P2RX5: variants seen among roughly 807,000 people sequenced by gnomAD.
P2RX5 encodes the protein P2X purinoceptor 5.
A neutral mutation model predicts 54.1 loss-of-function variants in P2RX5; 46 were observed. The ratio of observed to expected loss-of-function variants is 0.85; its 90% CI spans 0.67 to 1.09. The LOEUF is 1.09. P2RX5 is among the 50% of genes least tolerant of loss of function. The pLI is 0.00. For missense variants in P2RX5, 566 were observed against 549.8 expected (o/e 1.03, Z -0.29); for synonymous variants, 226 against 226.4 (o/e 1.00, Z 0.02).
chr17:3,700,792 C>T (rs2050811512), upstream of P2RX5, among the ~76,000 whole-genome samples: 1 of 152,134 alleles, frequency 6.6e-6, no homozygotes. Context: ...CACGCGAGAG[C>T]TAGTTGTTTA....
At position 3,691,756 on chromosome 17, in the gene P2RX5, T is replaced by C. The variant is rs1258402157; in HGVS notation, c.176A>G (p.Asp59Gly). Residue 59 changes from aspartate (D) to glycine (G), a missense_variant, in exon 2 of 12, where the codon GAC becomes GGC. Transcript: ENST00000225328. ...FLIKKGYQDV[D>G]TSLQSAVITK... ...GATGACAGCACTCTGCAGGGAGGTG[T>C]CGACGTCTTGGTAACCCTTCTTTAT... The C allele has an allele frequency of 6.2e-6, 10 of 1,614,054 alleles. No individual in the cohort carries two copies. Among genetic ancestry groups the C allele is most frequent in the Non-Finnish European group, 6.8e-6 (8 of 1,180,036 alleles).
At chr17:3,723,829 T>G in the P2RX5 span, 1 of 1,552,140 alleles carries the variant, frequency 6.4e-7, no homozygotes, top group Non-Finnish European at 8.7e-7. Context: ...CCTGGCGAGG[T>G]GCGCATGCGC....
chr17:3,716,005 C>A, the P2RX5 span, among the ~76,000 whole-genome samples: 1 of 151,508 alleles, frequency 6.6e-6, no homozygotes, highest in African/African-American at 2.4e-5. Flanking sequence ...AAATACAAAA[C>A]AATTAGCCAG....
rs2142997533 is a variant in P2RX5, at chr17:3,681,987, C to G, written c.982-9G>C. ...TCGCAGAAGAAAGCACCCTGCAAAA[C>G]AGGGGTTCCTGATTCAGAATCCTAG... is the stretch of plus-strand genomic sequence containing the variant. On this transcript the variant is annotated splice_polypyrimidine_tract_variant and intron_variant, in intron 9 of 11. Transcript: ENST00000225328. 2 of 1,600,106 alleles carry G rather than the reference C, an allele frequency of 1.2e-6. No homozygotes were observed. The highest frequency in any genetic ancestry group is 1.7e-6 in the Non-Finnish European group (2 of 1,167,484).
chr17:3,676,488 T>C (rs889903071), intron 11 of P2RX5: 1 of 984,490 alleles, frequency 1.0e-6, no homozygotes, highest in Non-Finnish European at 1.2e-6. Context: ...TATTACCCAG[T>C]CAAAATATTG....
the P2RX5 span, among the ~76,000 whole-genome samples, chr17:3,712,029 G>A: frequency 1.3e-5 from 2 of 152,198 alleles, no homozygotes; most frequent in East Asian, 3.8e-4. Context: ...TCCCAGTGAC[G>A]ATGGAAGTGG....
intron 9 of P2RX5, among the ~76,000 whole-genome samples, chr17:3,684,052 T>C (rs1039322133): frequency 5.9e-5 from 9 of 152,244 alleles, no homozygotes; most frequent in Admixed American, 3.3e-4. Context: ...CCCATGGCTC[T>C]CAAAAACTCC....
chr17:3,712,369 A>G, the P2RX5 span, among the ~76,000 whole-genome samples: 2 of 152,188 alleles, frequency 1.3e-5, no homozygotes, highest in African/African-American at 4.8e-5. Flanking sequence ...ACGGGGCTCC[A>G]TGAGAGGTGA....
At chr17:3,690,006 G>A in intron 6 of P2RX5, 64 bp downstream of exon 6, 1 of 1,419,772 alleles carries the variant, frequency 7.0e-7, no homozygotes, top group Non-Finnish European at 1.0e-6. Context: ...ACCCACGGAG[G>A]GCCAGCCAAG....
the P2RX5 span, among the ~76,000 whole-genome samples, chr17:3,719,219 C>G: frequency 0.12 from 13,690 of 114,790 alleles, 2,846 homozygotes; most frequent in African/African-American, 0.45. Context: ...CTGGGCGACA[C>G]AGTGAGATTC....
At chr17:3,697,140 G>C (rs1261123853), upstream of P2RX5, among the ~76,000 whole-genome samples, 1 of 152,026 alleles carries the variant, frequency 6.6e-6, no homozygotes, top group Non-Finnish European at 1.5e-5. Flanking sequence ...CGGATGGTGC[G>C]GGGGTGGGGG....
intron 7 of P2RX5, among the ~76,000 whole-genome samples, chr17:3,689,200 G>T (rs2143000359): frequency 6.6e-6 from 1 of 151,798 alleles, no homozygotes; most frequent in South Asian, 2.1e-4. Flanking sequence ...CCTGGGGGCA[G>T]GTGACTTTGC....
the P2RX5 span, among the ~76,000 whole-genome samples, chr17:3,715,548 T>G: frequency 1.3e-5 from 2 of 152,074 alleles, no homozygotes; most frequent in Non-Finnish European, 2.9e-5. Flanking sequence ...ATTTAGGGAA[T>G]AGTTTGACTT....
At chr17:3,690,274 G>T in intron 5 of P2RX5, 124 bp from the exon 6 acceptor site, 3 of 1,173,112 alleles carry the variant, frequency 2.6e-6, no homozygotes, top group Non-Finnish European at 3.8e-6. Context: ...CAGTTAATTT[G>T]CTCATGCTGG....
chr17:3,680,624 G>A (rs1249600263), intron 10 of P2RX5, among the ~76,000 whole-genome samples: 3 of 34,508 alleles, frequency 8.7e-5, no homozygotes, highest in African/African-American at 4.8e-4. Context: ...CCACCCTGCA[G>A]GCCACCACCC....
At chr17:3,698,647 C>T (rs1218086335), upstream of P2RX5, among the ~76,000 whole-genome samples, 4 of 152,176 alleles carry the variant, frequency 2.6e-5, no homozygotes, top group Non-Finnish European at 5.9e-5. Flanking sequence ...GCCACTGTGG[C>T]TTTAGAGAAG....
At chr17:3,699,720 G>A (rs976068865), upstream of P2RX5, among the ~76,000 whole-genome samples, 2 of 150,278 alleles carry the variant, frequency 1.3e-5, no homozygotes, top group South Asian at 2.1e-4. Flanking sequence ...CAGGAGAATC[G>A]CTTGAACCCA....
intron 11 of P2RX5, chr17:3,677,701 C>T (rs901362379): frequency 1.0e-6 from 1 of 985,336 alleles, no homozygotes; most frequent in Non-Finnish European, 1.2e-6. Flanking sequence ...GTCAGCATCT[C>T]ATTTAAGCAC....
chr17:3,719,396 G>A, the P2RX5 span, among the ~76,000 whole-genome samples: 1 of 152,124 alleles, frequency 6.6e-6, no homozygotes, highest in African/African-American at 2.4e-5. Context: ...TCACTCTCCT[G>A]ACATTCCCTC....
Sources: allele counts gnomAD v4.1 joint callset (sites outside exome capture counted in the v4.1 genomes callset), GRCh38; gene constraint gnomAD v4.1.1; transcripts MANE v1.5; gene names NCBI Gene and HGNC (gene_info 2026-07-23, HGNC 2026-07-21).